Variants in ASTN1 observed in about 807,000 individuals in gnomAD.
The protein encoded by ASTN1 is astrotactin-1.
A neutral mutation model predicts 140.7 loss-of-function variants in ASTN1; 41 were observed. The observed-to-expected ratio is 0.29, with a 90% CI of 0.23 to 0.38. The LOEUF (loss-of-function observed/expected upper bound fraction) is 0.38, where lower values mean the gene tolerates loss of function less well. Among genes scored for constraint, ASTN1 ranks in the 10% least tolerant of loss-of-function variants. ASTN1 has a pLI of 1.00. For missense variants in ASTN1, 1,479 were observed against 1,678.8 expected (o/e 0.88, Z 2.08); for synonymous variants, 640 against 652.2 (o/e 0.98, Z 0.29).
At chr1:177,108,151 C>T (rs1015486340) in intron 1 of ASTN1, among the ~76,000 whole-genome samples, 9 of 151,862 alleles carry the variant, frequency 5.9e-5, no homozygotes. Context: ...AGATGGAGAC[C>T]ATCCTGGCCA....
In ASTN1 at chr1:177,059,217, G is replaced by C. The variant is rs1259947791; in HGVS notation, c.471+1861C>G. On this transcript the variant is annotated intron_variant, in intron 2 of 22. Transcript: ENST00000361833. ...CCATTGCATCCCACACTGATGGCAG[G>C]ATGTGGATGGCTGACGAGAAATCCA... Among the ~76,000 whole-genome samples, 3 of 152,142 alleles carry C rather than the reference G, an allele frequency of 2.0e-5. No individual in the cohort carries two copies. In the South Asian group the frequency reaches 6.2e-4, roughly 32 times the overall value.
chr1:177,116,307 T>TC (rs1681087971), intron 1 of ASTN1, among the ~76,000 whole-genome samples: 1 of 152,212 alleles, frequency 6.6e-6, no homozygotes, highest in Non-Finnish European at 1.5e-5. Context: ...ATGGGCTGTA[T>TC]TTTACACTAT....
At chr1:177,134,519 C>T (rs1439609815) in intron 1 of ASTN1, among the ~76,000 whole-genome samples, 1 of 152,130 alleles carries the variant, frequency 6.6e-6, no homozygotes, top group African/African-American at 2.4e-5. Context: ...TAGGCAAAGA[C>T]CACATCGCTA....
intron 1 of ASTN1, among the ~76,000 whole-genome samples, chr1:177,133,900 T>C (rs555601620): frequency 6.6e-6 from 1 of 152,336 alleles, no homozygotes; most frequent in Non-Finnish European, 1.5e-5. Flanking sequence ...CATTCAGACA[T>C]TTATTTATTC....
intron 1 of ASTN1, among the ~76,000 whole-genome samples, chr1:177,141,777 G>A (rs1157303360): frequency 6.6e-6 from 1 of 152,202 alleles, no homozygotes; most frequent in Non-Finnish European, 1.5e-5. Context: ...GAAGCTAGGT[G>A]GAGAAAAGAG....
At chr1:177,062,672 C>A (rs1558067975) in intron 1 of ASTN1, among the ~76,000 whole-genome samples, 1 of 151,832 alleles carries the variant, frequency 6.6e-6, no homozygotes, top group East Asian at 1.9e-4. Flanking sequence ...ATTCTCTCAT[C>A]AAGTACCACA....
At chr1:177,162,218 C>G (rs1647420378) in intron 1 of ASTN1, among the ~76,000 whole-genome samples, 1 of 152,220 alleles carries the variant, frequency 6.6e-6, no homozygotes, top group African/African-American at 2.4e-5. Flanking sequence ...ATTTGGACTC[C>G]TCTTCCTTTC....
intron 16 of ASTN1, among the ~76,000 whole-genome samples, chr1:176,903,296 T>C (rs567361988): frequency 2.6e-5 from 4 of 151,812 alleles, no homozygotes; most frequent in African/African-American, 4.8e-5. Flanking sequence ...TCTCTCTCTC[T>C]CCCCATTTCT....
chr1:177,163,606 G>A (rs1165529784), intron 1 of ASTN1, among the ~76,000 whole-genome samples: 1 of 152,158 alleles, frequency 6.6e-6, no homozygotes, highest in Non-Finnish European at 1.5e-5. Flanking sequence ...AAGGAAGGAA[G>A]AGCCCCTTGC....
intron 18 of ASTN1, among the ~76,000 whole-genome samples, chr1:176,887,617 A>C (rs981222904): frequency 6.6e-6 from 1 of 152,198 alleles, no homozygotes; most frequent in Admixed American, 6.5e-5. Context: ...AATGAGCAGT[A>C]TCTAACTGCT....
At chr1:176,890,829 C>T (rs1403543855) in intron 17 of ASTN1, among the ~76,000 whole-genome samples, 1 of 152,054 alleles carries the variant, frequency 6.6e-6, no homozygotes, top group Non-Finnish European at 1.5e-5. Context: ...AGTTCGAGAC[C>T]AGCCTGGCCA....
chr1:176,988,558 A>C (rs1674017372), intron 8 of ASTN1, among the ~76,000 whole-genome samples: 1 of 152,170 alleles, frequency 6.6e-6, no homozygotes. Context: ...ATCCAAACAT[A>C]AATGTGTTTG....
intron 1 of ASTN1, among the ~76,000 whole-genome samples, chr1:177,068,227 T>G (rs1678460835): frequency 6.6e-6 from 1 of 152,178 alleles, no homozygotes; most frequent in African/African-American, 2.4e-5. Context: ...TCCTCTCATC[T>G]CATTCTCATT....
At chr1:177,044,846 T>C (rs979911091) in intron 2 of ASTN1, among the ~76,000 whole-genome samples, 1 of 152,216 alleles carries the variant, frequency 6.6e-6, no homozygotes, top group African/African-American at 2.4e-5. Context: ...CAAATCATAG[T>C]GTTCACAGAG....
chr1:177,005,147 A>T (rs1674929211), intron 8 of ASTN1, among the ~76,000 whole-genome samples: 1 of 152,214 alleles, frequency 6.6e-6, no homozygotes, highest in Non-Finnish European at 1.5e-5. Context: ...CAGCAAGAAA[A>T]GAAATCCCAT....
At chr1:176,884,630 C>T in intron 18 of ASTN1, 140 bp from the exon 19 acceptor site, 3 of 896,044 alleles carry the variant, frequency 3.3e-6, no homozygotes, top group Admixed American at 2.8e-5. Context: ...CTGTCTCTTT[C>T]AAAAGATAGT....
chr1:176,943,866 A>T (rs780239967), intron 14 of ASTN1, 25 bp downstream of exon 14: 90 of 1,562,062 alleles, frequency 5.8e-5, no homozygotes, highest in Non-Finnish European at 1.0e-5. Context: ...GTGCCAGTTG[A>T]ATAAGGTTGA....
At chr1:176,955,887 A>G (rs1672379211) in intron 11 of ASTN1, among the ~76,000 whole-genome samples, 1 of 152,230 alleles carries the variant, frequency 6.6e-6, no homozygotes, top group African/African-American at 2.4e-5. Context: ...TGCACATATG[A>G]ACACACAGTG....
At chr1:177,104,377 C>T (rs1034692468) in intron 1 of ASTN1, among the ~76,000 whole-genome samples, 4 of 151,906 alleles carry the variant, frequency 2.6e-5, no homozygotes, top group Admixed American at 1.3e-4. Context: ...TTGGGTTTGG[C>T]TTTTTAAAAA....
Sources: allele counts gnomAD v4.1 joint callset (sites outside exome capture counted in the v4.1 genomes callset), GRCh38; gene constraint gnomAD v4.1.1; transcripts MANE v1.5; gene names NCBI Gene and HGNC (gene_info 2026-07-23, HGNC 2026-07-21).